SMC2: variants seen among roughly 807,000 people sequenced by gnomAD.
SMC2 encodes the protein structural maintenance of chromosomes 2, also known as structural maintenance of chromosomes protein 2.
Under a neutral mutation model 142.6 loss-of-function variants are expected in SMC2, and 41 were observed. The observed-to-expected ratio is 0.29, with a 90% CI of 0.22 to 0.37. SMC2 has a LOEUF of 0.37. Among genes scored for constraint, SMC2 ranks in the 10% least tolerant of loss-of-function variants. The pLI, the probability that SMC2 is intolerant of heterozygous loss-of-function variation, is 1.00. For synonymous variants in SMC2, 463 were observed against 457.5 expected, an observed-to-expected ratio of 1.01 and a Z score of -0.15; for missense variants, 1,265 against 1,373.7, an observed-to-expected ratio of 0.92 and a Z score of 1.25.
At chr9:104,094,171 G>T, upstream of SMC2, 1 of 387,862 alleles carries the variant, frequency 2.6e-6, no homozygotes. Context: ...TACCATTATC[G>T]AGACTCTCAT....
At chr9:104,093,079 T>C (rs753311408), upstream of SMC2, 5 of 152,172 alleles carry the variant, frequency 3.3e-5, no homozygotes, top group Non-Finnish European at 4.4e-5. Flanking sequence ...CCTTCAGAAA[T>C]GTGAAGAATA....
upstream of SMC2, among the ~76,000 whole-genome samples, chr9:104,093,978 T>G (rs1221568474): frequency 1.3e-5 from 2 of 152,178 alleles, no homozygotes; most frequent in Non-Finnish European, 2.9e-5. Flanking sequence ...CACCGCAGAC[T>G]GGAGAAGGCG....
Position 104,095,440 on chromosome 9 carries a change from A to C in SMC2, c.56A>C (p.Glu19Ala). The C allele has an allele frequency of 1.9e-6, 3 of 1,613,868 alleles. No individual in the cohort carries two copies. The highest frequency in any genetic ancestry group is 2.5e-6 in the Non-Finnish European group (3 of 1,179,868). ...EGFKSYAQRT[E>A]VNGFDPLFNA... is the part of the protein sequence containing the mutation. ...TTCAAGTCCTATGCTCAGAGGACCGAAGTCAATGGTTTTGACCCCCTCTTC... is the reference window on the plus strand; with the variant it reads ...TTCAAGTCCTATGCTCAGAGGACCGCAGTCAATGGTTTTGACCCCCTCTTC... Residue 19 changes from glutamate (E) to alanine (A), a missense_variant, in exon 2 of 25, where the codon GAA becomes GCA. Around this residue, in one of 4 missense-constraint regions of SMC2, gnomAD observed 168 missense variants for 184.8 expected, o/e 0.91. Coordinates refer to ENST00000374793, the MANE Select transcript of SMC2 (RefSeq NM_006444.3).
At chr9:104,128,742 A>G (rs1834590485) in intron 20 of SMC2, among the ~76,000 whole-genome samples, 2 of 152,228 alleles carry the variant, frequency 1.3e-5, no homozygotes, top group Non-Finnish European at 2.9e-5. Context: ...TTTAGGCACT[A>G]TAATTTGAAC....
intron 17 of SMC2, 115 bp from the exon 18 acceptor site, chr9:104,124,793 ATAGT>A (rs1834089858): frequency 1.8e-5 from 12 of 666,246 alleles, no homozygotes; most frequent in Non-Finnish European, 3.0e-5. Flanking sequence ...TATCATTGGG[ATAGT>A]TAATTTTCTT....
Position 104,139,856 on chromosome 9 carries a change from A to C in SMC2, c.*541A>C, listed in dbSNP as rs1044726786. 2.0e-5 allele frequency: 3 copies of C among 152,242 alleles called. No individual in the cohort carries two copies. The highest frequency in any genetic ancestry group is 6.6e-5 in the Admixed American group (1 of 15,254). The allele number at this position is 152,242 out of a possible 1,614,324, so 9.4% of individuals were successfully genotyped here. ...ACCCCTGATTTAGACTGAGATAGGAAACAGATCTTGAAAGAATCCTTATTT... is the reference window on the plus strand; with the variant it reads ...ACCCCTGATTTAGACTGAGATAGGACACAGATCTTGAAAGAATCCTTATTT... On this transcript the variant is annotated 3_prime_UTR_variant, in exon 25 of 25. Transcript: ENST00000374793.
chr9:104,127,218 T>C, intron 19 of SMC2, 68 bp from the exon 20 acceptor site: 1 of 1,246,874 alleles, frequency 8.0e-7, no homozygotes, highest in South Asian at 1.8e-5. Context: ...TGTCAGATAA[T>C]TGTTTAGTAA....
At chr9:104,136,940 G>A (rs773997770) in intron 23 of SMC2, among the ~76,000 whole-genome samples, 8 of 151,918 alleles carry the variant, frequency 5.3e-5, no homozygotes, top group Non-Finnish European at 1.0e-4. Flanking sequence ...TTGAGGTCAC[G>A]AGTTCAAGAT....
intron 8 of SMC2, 43 bp from the exon 9 acceptor site, chr9:104,102,381 C>A (rs372346275): frequency 1.3e-6 from 2 of 1,545,374 alleles, no homozygotes; most frequent in African/African-American, 1.4e-5. Context: ...ACAGCGTGAA[C>A]AAATTTTACA....
At chr9:104,102,325 A>G in intron 8 of SMC2, 99 bp from the exon 9 acceptor site, 1 of 1,203,450 alleles carries the variant, frequency 8.3e-7, no homozygotes, top group Non-Finnish European at 1.2e-6. Context: ...AGATAATGAA[A>G]TAACTTATAA....
At chr9:104,133,034 A>G (rs994049535) in intron 22 of SMC2, among the ~76,000 whole-genome samples, 2 of 152,006 alleles carry the variant, frequency 1.3e-5, no homozygotes, top group African/African-American at 2.4e-5. Context: ...TAATCTAACA[A>G]AGTAGGTACT....
intron 17 of SMC2, 61 bp from the exon 18 acceptor site, chr9:104,124,851 G>A (rs1161145722): frequency 1.7e-5 from 23 of 1,318,200 alleles, no homozygotes; most frequent in Non-Finnish European, 2.4e-5. Context: ...TCTATTAAAA[G>A]TTGAATTTGT....
At chr9:104,118,721 A>G (rs1233695434) in intron 15 of SMC2, among the ~76,000 whole-genome samples, 1 of 152,208 alleles carries the variant, frequency 6.6e-6, no homozygotes, top group Non-Finnish European at 1.5e-5. Context: ...ATGCTGTCCA[A>G]TACAGTAGCC....
intron 14 of SMC2, 65 bp from the exon 15 acceptor site, chr9:104,118,106 A>G (rs1379260009): frequency 1.5e-6 from 2 of 1,302,572 alleles, no homozygotes; most frequent in Admixed American, 2.0e-5. Context: ...TTACTGGTTT[A>G]TAAAATCATA....
chr9:104,097,007 C>G (rs1207628377), intron 3 of SMC2, among the ~76,000 whole-genome samples: 1 of 151,538 alleles, frequency 6.6e-6, no homozygotes, highest in Admixed American at 6.6e-5. Flanking sequence ...CCCAGTAGAG[C>G]ATTGGGGTGT....
At chr9:104,123,758 T>C (rs1214963946) in intron 17 of SMC2, among the ~76,000 whole-genome samples, 1 of 152,140 alleles carries the variant, frequency 6.6e-6, no homozygotes, top group Admixed American at 6.5e-5. Context: ...TTTTTGGCTA[T>C]GTACTGGTCT....
chr9:104,104,587 C>G (rs775217586), intron 9 of SMC2, among the ~76,000 whole-genome samples: 9 of 152,168 alleles, frequency 5.9e-5, no homozygotes, highest in Non-Finnish European at 1.2e-4. Flanking sequence ...GCCTCCCTTT[C>G]TTGGGATATT....
chr9:104,106,193 C>T (rs1194115154), intron 9 of SMC2, among the ~76,000 whole-genome samples: 1 of 152,124 alleles, frequency 6.6e-6, no homozygotes, highest in Non-Finnish European at 1.5e-5. Flanking sequence ...CCACTATATT[C>T]CACAAGAGAC....
At chr9:104,093,513 A>T (rs1385041101), upstream of SMC2, among the ~76,000 whole-genome samples, 4 of 152,236 alleles carry the variant, frequency 2.6e-5, no homozygotes, top group Admixed American at 6.5e-5. Context: ...CGTGGATTTT[A>T]AAAAGCCCCT....
Sources: allele counts gnomAD v4.1 joint callset (sites outside exome capture counted in the v4.1 genomes callset), GRCh38; gene constraint gnomAD v4.1.1; regional missense constraint gnomAD v4.1.1; transcripts MANE v1.5; gene names NCBI Gene and HGNC (gene_info 2026-07-23, HGNC 2026-07-21).